Variants in ARHGEF3 observed in about 807,000 individuals in gnomAD.
ARHGEF3 encodes the protein 59.8 kDA protein.
In ARHGEF3, 28 loss-of-function variants were observed where a neutral mutation model predicts 63.2. The ratio of observed to expected loss-of-function variants is 0.44; its 90% CI spans 0.33 to 0.61. The LOEUF (loss-of-function observed/expected upper bound fraction) is 0.61. Among genes scored for constraint, ARHGEF3 ranks in the 20% least tolerant of loss-of-function variants. ARHGEF3 has a pLI of 0.03. For synonymous variants in ARHGEF3, 266 were observed against 254.2 expected (o/e 1.05, Z -0.44); for missense variants, 533 against 659.3 (o/e 0.81, Z 2.10).
chr3:56,928,066 C>G (rs578107168), intron 3 of ARHGEF3, among the ~76,000 whole-genome samples: 1 of 152,148 alleles, frequency 6.6e-6, no homozygotes, highest in African/African-American at 2.4e-5. Flanking sequence ...ACACATGCAG[C>G]ATGAGAAGGA....
intron 4 of ARHGEF3, among the ~76,000 whole-genome samples, chr3:56,877,746 C>G (rs1017765114): frequency 1.3e-5 from 2 of 152,120 alleles, no homozygotes; most frequent in Non-Finnish European, 2.9e-5. Context: ...TTTAGGGATA[C>G]ATGTCCATAG....
chr3:57,002,479 T>TGTTATA lies in ARHGEF3; in HGVS notation c.62+32608_62+32609insTATAAC, dbSNP rs1285310560. 7.6e-5 allele frequency among the ~76,000 whole-genome samples: 3 copies of TGTTATA among 39,472 alleles called. 1 individual carries two copies. Among genetic ancestry groups the TGTTATA allele is most frequent in the Non-Finnish European group, 1.2e-4 (3 of 24,302 alleles). The allele number at this position is 39,472 out of a possible 152,430, so 25.9% of individuals were successfully genotyped here. A position where few individuals can be genotyped will look rare whatever the true frequency, so the allele number is the denominator to read the frequency against. On this transcript the variant is annotated intron_variant, in intron 2 of 12. Coordinates refer to the ARHGEF3 transcript ENST00000338458. ...TCTAAGCACTATATATATATATATG[T>TGTTATA]TATATATATATATATATGTTATATA...
chr3:57,042,796 A>G (rs1395631685), intron 1 of ARHGEF3, among the ~76,000 whole-genome samples: 1 of 147,122 alleles, frequency 6.8e-6, no homozygotes, highest in African/African-American at 2.5e-5. Context: ...TCCTGGGTTC[A>G]GGCCATTCTC....
upstream of ARHGEF3, among the ~76,000 whole-genome samples, chr3:56,804,994 G>A (rs938459405): frequency 3.4e-4 from 52 of 152,084 alleles, 1 homozygote; most frequent in South Asian, 4.2e-4. Flanking sequence ...GGCCCTCACA[G>A]TCCACTATCT....
intron 4 of ARHGEF3, among the ~76,000 whole-genome samples, chr3:56,854,294 T>C (rs561529222): frequency 1.3e-5 from 2 of 152,236 alleles, no homozygotes; most frequent in East Asian, 1.9e-4. Flanking sequence ...GAAAGGACTA[T>C]GTCAAGGAAG....
chr3:56,953,144 A>C (rs1284767836), intron 3 of ARHGEF3, among the ~76,000 whole-genome samples: 1 of 152,200 alleles, frequency 6.6e-6, no homozygotes, highest in East Asian at 1.9e-4. Flanking sequence ...CTGAGCCTGC[A>C]AGAGAAGTGA....
chr3:56,896,401 G>A (rs778147610), intron 3 of ARHGEF3, among the ~76,000 whole-genome samples: 6 of 152,106 alleles, frequency 3.9e-5, no homozygotes, highest in Non-Finnish European at 5.9e-5. Flanking sequence ...AAGAACAAGG[G>A]CATCCTCTTA....
chr3:56,815,059 G>T (rs2038217850), intron 4 of ARHGEF3, among the ~76,000 whole-genome samples: 1 of 151,910 alleles, frequency 6.6e-6, no homozygotes, highest in South Asian at 2.1e-4. Flanking sequence ...CAGGGTGATT[G>T]CTTGAGCCTA....
intron 4 of ARHGEF3, among the ~76,000 whole-genome samples, chr3:56,831,951 A>G (rs2038945965): frequency 6.6e-6 from 1 of 152,252 alleles, no homozygotes; most frequent in African/African-American, 2.4e-5. Context: ...AGAAGGGCAA[A>G]GGTATGATCG....
At chr3:57,045,609 C>G (rs1704419445) in intron 1 of ARHGEF3, among the ~76,000 whole-genome samples, 1 of 152,206 alleles carries the variant, frequency 6.6e-6, no homozygotes, top group South Asian at 2.1e-4. Context: ...TCAACCCACT[C>G]AGCAATGTTG....
intron 4 of ARHGEF3, among the ~76,000 whole-genome samples, chr3:56,866,230 ATCAGGTCCATTT>A (rs1237848421): frequency 1.3e-5 from 2 of 152,204 alleles, no homozygotes; most frequent in East Asian, 3.8e-4. Flanking sequence ...TGAGTAGATC[ATCAGGTCCATTT>A]TCAGGTCCAT....
intron 3 of ARHGEF3, among the ~76,000 whole-genome samples, chr3:56,955,257 G>A (rs372848163): frequency 6.6e-6 from 1 of 150,532 alleles, no homozygotes; most frequent in African/African-American, 2.5e-5. Context: ...GTGCAGAGGT[G>A]CAACCATCGC....
chr3:56,951,065 T>C (rs1699783014), intron 3 of ARHGEF3, among the ~76,000 whole-genome samples: 1 of 149,638 alleles, frequency 6.7e-6, no homozygotes, highest in South Asian at 2.1e-4. Flanking sequence ...CACTCATAGG[T>C]GGGAATTGAA....
intron 2 of ARHGEF3, among the ~76,000 whole-genome samples, chr3:56,970,823 A>T (rs1254410108): frequency 6.6e-6 from 1 of 152,254 alleles, no homozygotes; most frequent in Non-Finnish European, 1.5e-5. Context: ...TTAAGAGCAC[A>T]GAAGCTGGAG....
At chr3:56,992,518 C>T (rs1030525687) in intron 2 of ARHGEF3, among the ~76,000 whole-genome samples, 12 of 151,146 alleles carry the variant, frequency 7.9e-5, no homozygotes, top group Non-Finnish European at 1.2e-4. Context: ...CTGCTCCAGA[C>T]ACATGCAGTG....
chr3:56,943,680 C>G (rs1240375706), intron 3 of ARHGEF3, among the ~76,000 whole-genome samples: 1 of 152,086 alleles, frequency 6.6e-6, no homozygotes, highest in Non-Finnish European at 1.5e-5. Flanking sequence ...TTTGGGAGTA[C>G]AAGGCAGGCG....
intron 4 of ARHGEF3, among the ~76,000 whole-genome samples, chr3:56,868,853 G>T (rs1442732598): frequency 6.6e-6 from 1 of 152,150 alleles, no homozygotes; most frequent in Non-Finnish European, 1.5e-5. Flanking sequence ...ACCCCCACTT[G>T]TCTGCAGATG....
intron 3 of ARHGEF3, among the ~76,000 whole-genome samples, chr3:56,929,879 C>T (rs879902254): frequency 5.9e-5 from 9 of 152,096 alleles, no homozygotes; most frequent in Admixed American, 3.3e-4. Context: ...CTGATGTTTC[C>T]GGAATAGCCC....
chr3:56,997,048 C>T (rs1421892399), intron 2 of ARHGEF3, among the ~76,000 whole-genome samples: 1 of 152,030 alleles, frequency 6.6e-6, no homozygotes, highest in East Asian at 1.9e-4. Flanking sequence ...CCCTCCCCAC[C>T]TCACCTACCC....
Sources: allele counts gnomAD v4.1 joint callset (sites outside exome capture counted in the v4.1 genomes callset), GRCh38; gene constraint gnomAD v4.1.1; transcripts MANE v1.5; gene names NCBI Gene and HGNC (gene_info 2026-07-23, HGNC 2026-07-21).